Variants in CNKSR3 observed in about 807,000 individuals in gnomAD.
The protein encoded by CNKSR3 is CNKSR family member 3, also known as connector enhancer of kinase suppressor of ras 3.
CNKSR3 carries 36 observed loss-of-function variants against 67.7 expected under a neutral mutation model. That is an observed-to-expected ratio of 0.53 (90% confidence interval 0.41 to 0.70). The LOEUF is 0.70. CNKSR3 is among the 30% of genes least tolerant of loss of function. The pLI, the probability that CNKSR3 is intolerant of heterozygous loss-of-function variation, is 0.00. For missense variants in CNKSR3, 630 were observed against 695.2 expected (o/e 0.91, Z 1.05); for synonymous variants, 281 against 271.4 (o/e 1.04, Z -0.35).
intron 1 of CNKSR3, among the ~76,000 whole-genome samples, chr6:154,474,161 C>T (rs1786391743): frequency 6.6e-6 from 1 of 151,374 alleles, no homozygotes; most frequent in African/African-American, 2.4e-5. Flanking sequence ...ACCTGCAATC[C>T]CAGCACTTTG....
intron 1 of CNKSR3, among the ~76,000 whole-genome samples, chr6:154,507,754 C>T (rs1015306503): frequency 3.3e-5 from 5 of 152,118 alleles, no homozygotes; most frequent in Admixed American, 1.3e-4. Context: ...TAGTAAGTAT[C>T]GTAGGTATTG....
intron 1 of CNKSR3, among the ~76,000 whole-genome samples, chr6:154,476,397 C>A (rs909109284): frequency 2.7e-5 from 4 of 145,464 alleles, no homozygotes; most frequent in African/African-American, 1.0e-4. Flanking sequence ...GCGGAGGTTG[C>A]GGTGAGCCGA....
At chr6:154,497,145 A>G (rs960432926) in intron 1 of CNKSR3, among the ~76,000 whole-genome samples, 2 of 152,066 alleles carry the variant, frequency 1.3e-5, no homozygotes, top group East Asian at 3.9e-4. Flanking sequence ...TGGGAGGCTG[A>G]GGCAGGAGGA....
intron 1 of CNKSR3, among the ~76,000 whole-genome samples, chr6:154,497,124 T>C (rs56086640): frequency 0.14 from 21,255 of 152,040 alleles, 1,830 homozygotes; most frequent in African/African-American, 0.25. Context: ...ACTCCTGCAA[T>C]CCCGGCACTT....
In CNKSR3 at chr6:154,403,564, A is replaced by G. The variant is rs931339313; in HGVS notation, c.*2790T>C. 1.3e-4 allele frequency: 20 copies of G among 152,000 alleles called. No homozygotes were observed. The highest frequency in any genetic ancestry group is 5.9e-4 in the Admixed American group (9 of 15,260). 9.4% of individuals were successfully genotyped at this position (152,000 alleles called of 1,614,324 possible). Reference sequence around the variant, plus strand: ...TTAATTTCTAAGAAATCCATATTAAACTATTATTTATGTATGTCCATAGTA... The same window carrying G: ...TTAATTTCTAAGAAATCCATATTAAGCTATTATTTATGTATGTCCATAGTA... On this transcript the variant is annotated 3_prime_UTR_variant, in exon 13 of 13. Transcript: ENST00000607772.
chr6:154,463,046 C>T (rs760491627), intron 1 of CNKSR3, among the ~76,000 whole-genome samples: 13 of 152,250 alleles, frequency 8.5e-5, no homozygotes, highest in Non-Finnish European at 1.6e-4. Context: ...TTCCCCCCAC[C>T]CTGTCAGTAT....
At chr6:154,440,095 A>G (rs1056949125) in intron 4 of CNKSR3, among the ~76,000 whole-genome samples, 17 of 152,164 alleles carry the variant, frequency 1.1e-4, no homozygotes, top group African/African-American at 3.6e-4. Context: ...AAGAGCAAAA[A>G]CTCAGAAGCT....
At chr6:154,413,139 TACACACACACACACAC>T (rs60788837) in intron 10 of CNKSR3, among the ~76,000 whole-genome samples, 6 of 144,990 alleles carry the variant, frequency 4.1e-5, no homozygotes, top group Non-Finnish European at 9.1e-5. Flanking sequence ...GAATTTATGG[TACACACACACACACAC>T]ACACACACAC....
chr6:154,450,344 C>G, intron 1 of CNKSR3, 86 bp from the exon 2 acceptor site: 1 of 1,325,772 alleles, frequency 7.5e-7, no homozygotes, highest in Non-Finnish European at 1.1e-6. Flanking sequence ...ACATCAATCT[C>G]AGCAATCAAC....
In CNKSR3 at chr6:154,422,496, T is replaced by A. The variant is rs1360662046; in HGVS notation, c.945+10A>T. 22 of 1,612,258 alleles carry A rather than the reference T, an allele frequency of 1.4e-5. No homozygotes were observed. The highest frequency in any genetic ancestry group is 1.8e-5 in the Non-Finnish European group (21 of 1,178,688). On this transcript the variant is annotated intron_variant, in intron 9 of 12. Transcript: ENST00000607772. ...TTGTTGGATGGAGGTTTACAGTTAA[T>A]CCCAGATACCTGTACAAGAGGTGGC...
chr6:154,428,934 A>G lies in CNKSR3; in HGVS notation c.670-747T>C, dbSNP rs1785309220. Among the ~76,000 whole-genome samples the G allele has an allele frequency of 3.3e-5, 5 of 152,330 alleles. No individual in the cohort carries two copies. The South Asian group carries it at 1.0e-3, about 32-fold the overall frequency. On this transcript the variant is annotated intron_variant, in intron 6 of 12. Transcript: ENST00000607772. ...ATTAAAGCTACTAATAATCCAGACA[A>G]AGATATATGAACAAAGATTGTTAAA...
chr6:154,405,498 A>G lies in CNKSR3; in HGVS notation c.*856T>C, dbSNP rs536326408. On this transcript the variant is annotated 3_prime_UTR_variant, in exon 13 of 13. Transcript: ENST00000607772. ...ATTTCTAATTAGCAAACTGTGTACA[A>G]TTTTGAAGAAGTGTACACACCGTGC... 2.6e-5 allele frequency: 4 copies of G among 152,500 alleles called. No individual in the cohort carries two copies. Among genetic ancestry groups the G allele is most frequent in the East Asian group, 1.9e-4 (1 of 5,196 alleles). 9.4% of individuals were successfully genotyped at this position (152,500 alleles called of 1,614,324 possible).
Position 154,406,318 on chromosome 6 carries a change from G to A in CNKSR3, c.*36C>T, listed in dbSNP as rs766600128. The A allele has an allele frequency of 6.3e-6, 10 of 1,575,090 alleles. No individual in the cohort carries two copies. Among genetic ancestry groups the A allele is most frequent in the East Asian group, 2.3e-5 (1 of 43,330 alleles). The stretch of plus-strand genomic sequence containing the variant: ...CCACTGTAAAAGCAAGGCACTTGGG[G>A]CAGGAGCCAGGCAGGTGGCCTGAGC... On this transcript the variant is annotated 3_prime_UTR_variant, in exon 13 of 13. Transcript: ENST00000607772.
At chr6:154,504,118 A>C (rs1177742740) in intron 1 of CNKSR3, among the ~76,000 whole-genome samples, 1 of 152,188 alleles carries the variant, frequency 6.6e-6, no homozygotes, top group African/African-American at 2.4e-5. Flanking sequence ...TGACAGCAAA[A>C]ACCATCCTAT....
At chr6:154,441,260 A>AAAAAAG (rs1554233443) in intron 4 of CNKSR3, 32 bp downstream of exon 4, 204 of 1,258,270 alleles carry the variant, frequency 1.6e-4, no homozygotes, top group South Asian at 5.2e-4. Flanking sequence ...AAAAAAAAAA[A>AAAAAAG]AAAAAGAAAG....
rs915780022 is a variant in CNKSR3, at chr6:154,501,426, C to G, written c.52+8637G>C. The stretch of plus-strand genomic sequence containing the variant: ...CTCCCTGACCACGACTTGTAAGAAC[C>G]TACATGATCTGGCCTCTGTGTGTCT... On this transcript the variant is annotated intron_variant, in intron 1 of 12. Coordinates refer to ENST00000607772, the MANE Select transcript of CNKSR3 (RefSeq NM_173515.4). Among the ~76,000 whole-genome samples, 14 of 152,240 alleles carry G rather than the reference C, an allele frequency of 9.2e-5. 1 individual carries two copies. The highest frequency in any genetic ancestry group is 1.9e-4 in the Non-Finnish European group (13 of 68,002).
intron 9 of CNKSR3, 84 bp downstream of exon 9, chr6:154,422,422 C>T: frequency 2.2e-6 from 3 of 1,363,266 alleles, no homozygotes; most frequent in East Asian, 4.6e-5. Context: ...AATCAATCAC[C>T]TTCAAATTTT....
At chr6:154,491,533 T>C (rs966037485) in intron 1 of CNKSR3, among the ~76,000 whole-genome samples, 4 of 152,216 alleles carry the variant, frequency 2.6e-5, no homozygotes, top group Non-Finnish European at 5.9e-5. Context: ...TAAAGGTAAA[T>C]ACTTAATAAC....
chr6:154,482,199 A>T (rs909696877), intron 1 of CNKSR3, among the ~76,000 whole-genome samples: 2 of 152,196 alleles, frequency 1.3e-5, no homozygotes, highest in African/African-American at 4.8e-5. Flanking sequence ...GATCTCAGAG[A>T]TTGTTTATCA....
Sources: allele counts gnomAD v4.1 joint callset (sites outside exome capture counted in the v4.1 genomes callset), GRCh38; gene constraint gnomAD v4.1.1; transcripts MANE v1.5; gene names NCBI Gene and HGNC (gene_info 2026-07-23, HGNC 2026-07-21).